Variants in SP140 observed in about 807,000 individuals in gnomAD.
SP140 encodes nuclear body protein SP140.
In SP140, 81 loss-of-function variants were observed where a neutral mutation model predicts 125.0. The ratio of observed to expected loss-of-function variants is 0.65; its 90% CI spans 0.54 to 0.78. The LOEUF is 0.78. Among genes scored for constraint, SP140 ranks in the 30% least tolerant of loss-of-function variants. The pLI is 0.00. For synonymous variants in SP140, 312 were observed against 354.0 expected, an observed-to-expected ratio of 0.88 and a Z score of 1.33; for missense variants, 858 against 1,037.0, an observed-to-expected ratio of 0.83 and a Z score of 2.37.
chr2:230,253,082 G>A (rs2050613425), intron 10 of SP140, among the ~76,000 whole-genome samples: 1 of 152,304 alleles, frequency 6.6e-6, no homozygotes, highest in East Asian at 1.9e-4. Flanking sequence ...CAGGAGGCAG[G>A]AGAGGCCAGT....
chr2:230,248,446 A>AGGGATC (rs1355085485), intron 8 of SP140, among the ~76,000 whole-genome samples: 19 of 152,116 alleles, frequency 1.2e-4, no homozygotes, highest in Admixed American at 2.6e-4. Flanking sequence ...GGAGTGGACC[A>AGGGATC]GGGATCAATG....
At chr2:230,210,268 T>A (rs987573652) in intron 1 of SP140, among the ~76,000 whole-genome samples, 1 of 152,168 alleles carries the variant, frequency 6.6e-6, no homozygotes, top group Non-Finnish European at 1.5e-5. Context: ...GATTATCTTA[T>A]GGATGGAAGA....
At position 230,270,933 on chromosome 2, in the gene SP140, T is replaced by C. The variant is rs191184971; in HGVS notation, c.1498+294T>C. Reference sequence around the variant, plus strand: ...TGTAGGCCTTAAAGAGTGGAAAACTTTTCCTGGCTGTGGAGAAAGGAAGAT... The same window carrying C: ...TGTAGGCCTTAAAGAGTGGAAAACTCTTCCTGGCTGTGGAGAAAGGAAGAT... On this transcript the variant is annotated intron_variant, in intron 15 of 26. Transcript: ENST00000392045. 9.1e-6 allele frequency: 4 copies of C among 437,598 alleles called. No homozygotes were observed. In the East Asian group the frequency reaches 2.4e-4, roughly 26 times the overall value. The allele number at this position is 437,598 out of a possible 1,614,324, so 27.1% of individuals were successfully genotyped here.
At chr2:230,253,135 G>A (rs1478692362) in intron 10 of SP140, among the ~76,000 whole-genome samples, 181 bp from the exon 11 acceptor site, 1 of 152,184 alleles carries the variant, frequency 6.6e-6, no homozygotes, top group African/African-American at 2.4e-5. Context: ...CAGCTAGGAG[G>A]GAACTATGTG....
At chr2:230,312,485 CTT>C (rs3086614) in intron 26 of SP140, 99 bp from the exon 27 acceptor site, 161,691 of 680,418 alleles carry the variant, frequency 0.24, 20,907 homozygotes, top group Non-Finnish European at 0.29. Flanking sequence ...ACTTACAGTA[CTT>C]TTTTTTTTAA....
At chr2:230,284,820 A>G (rs1475397905) in intron 16 of SP140, among the ~76,000 whole-genome samples, 1 of 152,188 alleles carries the variant, frequency 6.6e-6, no homozygotes, top group African/African-American at 2.4e-5. Context: ...ATTTTTATGT[A>G]TCCTGATATA....
At chr2:230,316,223 G>A (rs1165791072), downstream of SP140, among the ~76,000 whole-genome samples, 2 of 152,218 alleles carry the variant, frequency 1.3e-5, no homozygotes, top group Non-Finnish European at 2.9e-5. Context: ...CAGGTGGTGG[G>A]AGAGAAACGT....
Position 230,309,901 on chromosome 2 carries a change from G to A in SP140, c.2059-23G>A, listed in dbSNP as rs1258398854. The stretch of plus-strand genomic sequence containing the variant: ...CCTGAATCTTGCGGTTCCCAGTGAC[G>A]TGGACACTGTTTTATCTTCTAGATG... On this transcript the variant is annotated intron_variant, in intron 22 of 26. Transcript: ENST00000392045. 7 of 1,612,054 alleles carry A rather than the reference G, an allele frequency of 4.3e-6. No individual in the cohort carries two copies. The East Asian group carries it at 6.7e-5, about 15-fold the overall frequency.
Position 230,310,758 on chromosome 2 carries a change from C to T in SP140, c.2190C>T (p.Cys730=). Residue 730 remains cysteine (C), a synonymous_variant, in exon 24 of 27, where the codon TGC becomes TGT. Coordinates refer to ENST00000392045, the MANE Select transcript of SP140 (RefSeq NM_007237.5). ...AATCTCTCAGGACCCCGTGGAATTG[C>T]ATCTTCTGCAGGATGAAGGAGTCTC... The part of the protein sequence containing the change: ...PVEAERTPWN[C]IFCRMKESPG... The T allele has an allele frequency of 6.5e-7, 1 of 1,533,286 alleles. No individual in the cohort carries two copies. Among genetic ancestry groups the T allele is most frequent in the Non-Finnish European group, 8.9e-7 (1 of 1,128,726 alleles). The allele number at this position is 1,533,286 out of a possible 1,614,324, so 95.0% of individuals were successfully genotyped here.
chr2:230,270,893 G>A (rs929749289), intron 15 of SP140: 3 of 532,948 alleles, frequency 5.6e-6, no homozygotes, highest in South Asian at 3.1e-5. Flanking sequence ...TTATGGGGTG[G>A]GCACAATCTA....
Position 230,269,540 on chromosome 2 carries a change from G to T in SP140, c.1249G>T (p.Glu417Ter). 6.3e-7 allele frequency: 1 copy of T among 1,598,764 alleles called. No individual in the cohort carries two copies. The highest frequency in any genetic ancestry group is 1.1e-5 in the South Asian group (1 of 90,638). ...TTCTTGTTTCTCATTAGTGTCTAGT[G>T]AACTAGAAAATCACCCAATGAATGA... The part of the protein sequence containing the change: ...SLARRGSVSS[E>*]LENHPMNEEG... The change falls in exon 13 of 27, where the codon GAA becomes TAA. Residue 417 changes from glutamate to a stop codon, truncating the protein, a stop_gained. Coordinates refer to ENST00000392045, the MANE Select transcript of SP140 (RefSeq NM_007237.5). LOFTEE classifies it high-confidence loss of function.
chr2:230,224,986 G>T (rs1391834255), upstream of SP140, among the ~76,000 whole-genome samples: 1 of 152,154 alleles, frequency 6.6e-6, no homozygotes, highest in Non-Finnish European at 1.5e-5. Flanking sequence ...CAGAATGAGG[G>T]CTGGGTATAA....
At chr2:230,242,254 A>G (rs985472348) in intron 4 of SP140, among the ~76,000 whole-genome samples, 2 of 110,416 alleles carry the variant, frequency 1.8e-5, no homozygotes, top group Non-Finnish European at 3.9e-5. Flanking sequence ...AAGAGTTAAG[A>G]AAAAAAGGGT....
At chr2:230,288,888 G>T (rs2056797057) in intron 18 of SP140, among the ~76,000 whole-genome samples, 1 of 152,142 alleles carries the variant, frequency 6.6e-6, no homozygotes, top group Non-Finnish European at 1.5e-5. Context: ...ATTTGGGCTG[G>T]TTCCTAGTCT....
chr2:230,209,138 A>C (rs1196177967), intron 1 of SP140, among the ~76,000 whole-genome samples: 1 of 152,036 alleles, frequency 6.6e-6, no homozygotes, highest in East Asian at 1.9e-4. Flanking sequence ...AAAAGGAGAA[A>C]AGCTCAAGGA....
At chr2:230,233,829 A>G (rs1157164702) in intron 1 of SP140, among the ~76,000 whole-genome samples, 1 of 152,258 alleles carries the variant, frequency 6.6e-6, no homozygotes, top group Non-Finnish European at 1.5e-5. Flanking sequence ...ATCCGTTGTG[A>G]CATCACAGGC....
intron 9 of SP140, among the ~76,000 whole-genome samples, chr2:230,249,303 C>T (rs753021717): frequency 1.9e-4 from 29 of 152,168 alleles, no homozygotes; most frequent in Non-Finnish European, 3.1e-4. Flanking sequence ...TGGCAACTGA[C>T]GCAGGGGAGA....
At chr2:230,293,686 A>C (rs774155088) in intron 20 of SP140, among the ~76,000 whole-genome samples, 1 of 151,718 alleles carries the variant, frequency 6.6e-6, no homozygotes, top group Non-Finnish European at 1.5e-5. Flanking sequence ...GCAAACCTAT[A>C]CTCAATCTAG....
At chr2:230,247,160 C>A (rs1020965574) in intron 7 of SP140, among the ~76,000 whole-genome samples, 5 of 152,156 alleles carry the variant, frequency 3.3e-5, no homozygotes, top group African/African-American at 1.2e-4. Flanking sequence ...ACACATATGT[C>A]CAGATTTATC....
Sources: gnomAD v4.1 joint callset for allele counts (sites outside exome capture counted in the v4.1 genomes callset) on GRCh38, gnomAD v4.1.1 for gene constraint, MANE v1.5 for transcripts, NCBI Gene and HGNC (gene_info 2026-07-23, HGNC 2026-07-21) for gene names.